The following HSPA4L variants were observed in gnomAD, a reference collection of about 807,000 sequenced individuals.
The protein encoded by HSPA4L is heat shock 70 kDa protein 4L.
In HSPA4L, 48 loss-of-function variants were observed where a neutral mutation model predicts 100.3. The ratio of observed to expected loss-of-function variants is 0.48; its 90% CI spans 0.38 to 0.61. The LOEUF is 0.61. Ranked by LOEUF, HSPA4L falls within the 20% of genes least tolerant of loss-of-function variation. The pLI is 0.00. For missense variants in HSPA4L, 886 were observed against 988.6 expected (o/e 0.90, Z 1.39); for synonymous variants, 319 against 328.2 (o/e 0.97, Z 0.30).
rs1733008175 is a variant in HSPA4L, at chr4:127,795,909, G to A, written c.306+1G>A. ...GCCTAATGGAAGTGCAGGAGTTAAG[G>A]TAAGCTTTATATTCCCAGGGTTACA... On this transcript the variant is annotated splice_donor_variant, in intron 3 of 18. Coordinates refer to ENST00000296464, the MANE Select transcript of HSPA4L (RefSeq NM_014278.4). LOFTEE classifies it high-confidence loss of function. The A allele has an allele frequency of 6.2e-7, 1 of 1,612,804 alleles. No individual in the cohort carries two copies. The highest frequency in any genetic ancestry group is 1.3e-5 in the African/African-American group (1 of 74,854).
At position 127,820,422 on chromosome 4, in the gene HSPA4L, T is replaced by C; in HGVS notation, c.1675-6T>C. On this transcript the variant is annotated splice_region_variant and splice_polypyrimidine_tract_variant and intron_variant, in intron 13 of 18. Transcript: ENST00000296464. ...AGAAATTTATACTTCTCTTTCGGAT[T>C]TGCAGTCAGCTGTCTCAGACAAACA... The C allele has an allele frequency of 6.4e-7, 1 of 1,573,362 alleles. No homozygotes were observed. The highest frequency in any genetic ancestry group is 8.6e-7 in the Non-Finnish European group (1 of 1,166,932).
intron 16 of HSPA4L, among the ~76,000 whole-genome samples, chr4:127,826,807 T>C (rs1024000337): frequency 2.0e-5 from 3 of 152,102 alleles, no homozygotes; most frequent in Non-Finnish European, 4.4e-5. Context: ...ATCCAAGACA[T>C]GTAGGGGAAA....
At position 127,818,337 on chromosome 4, in the gene HSPA4L, G is replaced by T. The variant is rs751498883; in HGVS notation, c.1591G>T (p.Val531Phe). ...ATTTTCTTTCTAGGATAAAATGCAG[G>T]TTGATCAAGAAGAAGGGCATCAAAA... ...ENKDNMDKMQ[V>F]DQEEGHQKCH... Residue 531 changes from valine (V) to phenylalanine (F), a missense_variant, in exon 13 of 19, where the codon GTT becomes TTT. Physicochemically the swap from Val to Phe is conservative, Grantham distance 50. Transcript: ENST00000296464. The T allele has an allele frequency of 1.2e-6, 2 of 1,609,006 alleles. No individual in the cohort carries two copies. The highest frequency in any genetic ancestry group is 3.3e-5 in the Admixed American group (2 of 59,814).
chr4:127,835,268 A>G lies in HSPA4L; in HGVS notation c.*2394A>G, dbSNP rs1734177563. 6.6e-6 allele frequency: 1 copy of G among 152,234 alleles called. No individual in the cohort carries two copies. Among genetic ancestry groups the G allele is most frequent in the African/African-American group, 2.4e-5 (1 of 41,458 alleles). The allele number at this position is 152,234 out of a possible 1,614,324, so 9.4% of individuals were successfully genotyped here. ...GGAATATTTGGAATGATTAATATAA[A>G]TTAGTATACTTTGGCTCTGTGGAAA... On this transcript the variant is annotated 3_prime_UTR_variant, in exon 19 of 19. Coordinates refer to ENST00000296464, the MANE Select transcript of HSPA4L (RefSeq NM_014278.4).
At chr4:127,797,603 T>A (rs910184191) in intron 3 of HSPA4L, among the ~76,000 whole-genome samples, 24 of 54,154 alleles carry the variant, frequency 4.4e-4, no homozygotes, top group South Asian at 1.2e-3. Context: ...TTAAAAAAAA[T>A]TTTTTTTTTT....
chr4:127,832,852 C>A lies in HSPA4L; in HGVS notation c.2498C>A (p.Ser833Tyr), dbSNP rs760880952. ...GACAGCTCACAGCATACTAAATCCT[C>A]TGGAGAGATGGAAGTGGACTAAGTC... ...TKDSSQHTKS[S>Y]GEMEVD The change falls in exon 19 of 19, where the codon TCT becomes TAT. Residue 833 changes from serine to tyrosine, a missense_variant. Transcript: ENST00000296464. 3.7e-6 allele frequency: 6 copies of A among 1,606,264 alleles called. No individual in the cohort carries two copies. In the South Asian group the frequency reaches 6.7e-5, roughly 18 times the overall value.
At chr4:127,822,378 G>T (rs1733836300) in intron 14 of HSPA4L, among the ~76,000 whole-genome samples, 1 of 152,098 alleles carries the variant, frequency 6.6e-6, no homozygotes, top group African/African-American at 2.4e-5. Context: ...ATACTACATT[G>T]TGTTTATATA....
chr4:127,800,163 G>A (rs985180462), intron 4 of HSPA4L, among the ~76,000 whole-genome samples: 1 of 152,110 alleles, frequency 6.6e-6, no homozygotes, highest in Admixed American at 6.6e-5. Flanking sequence ...TTTAAATAGA[G>A]ATGTAGTTAA....
At chr4:127,791,721 CT>C (rs1163002862) in intron 1 of HSPA4L, among the ~76,000 whole-genome samples, 1 of 152,220 alleles carries the variant, frequency 6.6e-6, no homozygotes, top group African/African-American at 2.4e-5. Context: ...CCAACAAACT[CT>C]CTACCACTTT....
rs1414015499 is a variant in HSPA4L, at chr4:127,822,796, GAGAA to G, written c.1850_1853del (p.Arg617MetfsTer31). 1 of 1,613,764 alleles carries G rather than the reference GAGAA, an allele frequency of 6.2e-7. No individual in the cohort carries two copies. Among genetic ancestry groups the G allele is most frequent in the Non-Finnish European group, 8.5e-7 (1 of 1,179,836 alleles). On this transcript the variant is annotated frameshift_variant, in exon 15 of 19. Transcript: ENST00000296464. LOFTEE classifies it high-confidence loss of function. The stretch of plus-strand genomic sequence containing the variant: ...GAAGATGATCATGCAAGATAAGTTA[GAGAA>G]AGAAAGAAATGATGCTAAGAATGCC...
rs1398948186 is a variant in HSPA4L, at chr4:127,834,622, T to TACAA, written c.*1752_*1755dup. 3 of 152,246 alleles carry TACAA rather than the reference T, an allele frequency of 2.0e-5. No individual in the cohort carries two copies. Among genetic ancestry groups the TACAA allele is most frequent in the African/African-American group, 7.2e-5 (3 of 41,476 alleles). The allele number at this position is 152,246 out of a possible 1,614,324, so 9.4% of individuals were successfully genotyped here. On this transcript the variant is annotated 3_prime_UTR_variant, in exon 19 of 19. Coordinates refer to ENST00000296464, the MANE Select transcript of HSPA4L (RefSeq NM_014278.4). ...CCAATAGGTGATGAAATACATTTTTTACAAACATAGATGCTTTTTATTTGT... is the reference window on the plus strand; with the variant it reads ...CCAATAGGTGATGAAATACATTTTTTACAAACAAACATAGATGCTTTTTATTTGT...
intron 11 of HSPA4L, among the ~76,000 whole-genome samples, chr4:127,808,338 C>T (rs937852931): frequency 2.0e-5 from 3 of 152,118 alleles, no homozygotes; most frequent in African/African-American, 7.2e-5. Flanking sequence ...CCTCAGTATT[C>T]ATGAGTTTGG....
chr4:127,822,946 G>A (rs768260546), intron 15 of HSPA4L, 52 bp downstream of exon 15: 16 of 1,525,210 alleles, frequency 1.0e-5, no homozygotes, highest in Middle Eastern at 1.8e-4. Context: ...AGGTTTACTC[G>A]AGAATGCTAG....
At chr4:127,800,189 G>A (rs945354510) in intron 4 of HSPA4L, among the ~76,000 whole-genome samples, 3 of 152,212 alleles carry the variant, frequency 2.0e-5, no homozygotes, top group East Asian at 3.9e-4. Flanking sequence ...TGGGCATGGC[G>A]GCTTATGTCT....
chr4:127,783,696 A>C, intron 1 of HSPA4L: 2 of 1,533,806 alleles, frequency 1.3e-6, no homozygotes, highest in Non-Finnish European at 1.7e-6. Flanking sequence ...TTGGCATCTT[A>C]ATTTGACCGT....
chr4:127,832,863 G>T lies in HSPA4L; in HGVS notation c.2509G>T (p.Glu837Ter), dbSNP rs560229683. The T allele has an allele frequency of 1.9e-6, 3 of 1,598,908 alleles. No individual in the cohort carries two copies. The African/African-American group carries it at 4.0e-5, about 22-fold the overall frequency. ...GCATACTAAATCCTCTGGAGAGATG[G>T]AAGTGGACTAAGTCTTAATTTTACC... ...SQHTKSSGEM[E>*]VD The change falls in exon 19 of 19, where the codon GAA becomes TAA. Residue 837 changes from glutamate to a stop codon, truncating the protein, a stop_gained. Transcript: ENST00000296464. LOFTEE classifies it high-confidence loss of function.
intron 4 of HSPA4L, 63 bp from the exon 5 acceptor site, chr4:127,801,075 A>G (rs1195646019): frequency 2.5e-6 from 3 of 1,224,358 alleles, no homozygotes; most frequent in Non-Finnish European, 3.5e-6. Context: ...GGGTAATTAT[A>G]TTTTTCAGTT....
rs922508795 is a variant in HSPA4L, at chr4:127,834,895, A to C, written c.*2021A>C. The C allele has an allele frequency of 6.6e-6, 1 of 151,244 alleles. No individual in the cohort carries two copies. The highest frequency in any genetic ancestry group is 1.5e-5 in the Non-Finnish European group (1 of 68,020). 9.4% of individuals were successfully genotyped at this position (151,244 alleles called of 1,614,324 possible). A position where few individuals can be genotyped will look rare whatever the true frequency, so the allele number is the denominator to read the frequency against. On this transcript the variant is annotated 3_prime_UTR_variant, in exon 19 of 19. Transcript: ENST00000296464. ...GAAGTCACTTTTAGTTTTGTGTTTTAGTCAGATAGTACCACTAATTTTTGT... is the reference window on the plus strand; with the variant it reads ...GAAGTCACTTTTAGTTTTGTGTTTTCGTCAGATAGTACCACTAATTTTTGT...
At position 127,834,913 on chromosome 4, in the gene HSPA4L, A is replaced by G. The variant is rs1373792430; in HGVS notation, c.*2039A>G. ...GTGTTTTAGTCAGATAGTACCACTA[A>G]TTTTTGTAATTATATAACACTTCAT... On this transcript the variant is annotated 3_prime_UTR_variant, in exon 19 of 19. Transcript: ENST00000296464. 2 of 152,204 alleles carry G rather than the reference A, an allele frequency of 1.3e-5. No homozygotes were observed. The highest frequency in any genetic ancestry group is 4.8e-5 in the African/African-American group (2 of 41,466). 9.4% of individuals were successfully genotyped at this position (152,204 alleles called of 1,614,324 possible).
Sources: gnomAD v4.1 joint callset for allele counts (sites outside exome capture counted in the v4.1 genomes callset) on GRCh38, gnomAD v4.1.1 for gene constraint, MANE v1.5 for transcripts, NCBI Gene and HGNC (gene_info 2026-07-23, HGNC 2026-07-21) for gene names.